EARS2: variants seen among roughly 807,000 people sequenced by gnomAD.
EARS2 encodes the protein glutamyl-tRNA synthetase 2, mitochondrial.
EARS2 carries 50 observed loss-of-function variants against 54.1 expected under a neutral mutation model. That is an observed-to-expected ratio of 0.92 (90% CI 0.74 to 1.17). EARS2 has a LOEUF of 1.17. EARS2 is among the 50% of genes most tolerant of loss of function. The probability of loss-of-function intolerance (pLI) is 0.00; values close to 1 mark genes in which losing one functional copy is unlikely to be tolerated. For missense variants in EARS2, 673 were observed against 675.0 expected, an observed-to-expected ratio of 1.00 and a Z score of 0.03; for synonymous variants, 298 against 281.0, an observed-to-expected ratio of 1.06 and a Z score of -0.61.
In EARS2 at chr16:23,524,278, C is replaced by T; in HGVS notation, c.*93G>A. The T allele has an allele frequency of 9.3e-7, 1 of 1,078,926 alleles. No homozygotes were observed. Among genetic ancestry groups the T allele is most frequent in the East Asian group, 2.4e-5 (1 of 42,494 alleles). The allele number at this position is 1,078,926 out of a possible 1,614,324, so 66.8% of individuals were successfully genotyped here. On this transcript the variant is annotated 3_prime_UTR_variant, in exon 9 of 9. Coordinates refer to ENST00000449606, the MANE Select transcript of EARS2 (RefSeq NM_001083614.2). ...ACTCTTAGTTCCTTCAGCAAACTTC[C>T]CGACGGGCCCCAGGCCTCCTTCTGG...
intron 5 of EARS2, among the ~76,000 whole-genome samples, chr16:23,531,187 G>A (rs756486859): frequency 3.3e-5 from 5 of 151,326 alleles, no homozygotes; most frequent in South Asian, 4.2e-4. Context: ...ATGAGCCACC[G>A]CGCCCAGCCT....
At position 23,522,474 on chromosome 16, in the gene EARS2, T is replaced by C. The variant is rs908160468; in HGVS notation, c.*1897A>G. 1 of 152,352 alleles carries C rather than the reference T, an allele frequency of 6.6e-6. No homozygotes were observed. The highest frequency in any genetic ancestry group is 1.5e-5 in the Non-Finnish European group (1 of 68,162). The allele number at this position is 152,352 out of a possible 1,614,324, so 9.4% of individuals were successfully genotyped here. ...CCTGTCTTTTCCAAAACCTGTTTTT[T>C]TTTTGGCTTTTTGGTAGATGCTGTG... On this transcript the variant is annotated 3_prime_UTR_variant, in exon 9 of 9. Coordinates refer to ENST00000449606, the MANE Select transcript of EARS2 (RefSeq NM_001083614.2).
chr16:23,544,739 A>G (rs1965574762), intron 2 of EARS2, 36 bp from the exon 3 acceptor site: 2 of 1,542,496 alleles, frequency 1.3e-6, no homozygotes, highest in African/African-American at 1.4e-5. Flanking sequence ...TAAGGTGCAC[A>G]CAGCGCTCGT....
At chr16:23,529,114 G>A (rs1179747008) in intron 7 of EARS2, among the ~76,000 whole-genome samples, 2 of 152,188 alleles carry the variant, frequency 1.3e-5, no homozygotes, top group Non-Finnish European at 2.9e-5. Context: ...AGCCAGCTTT[G>A]GTTGCGTTTG....
At chr16:23,556,644 C>T in intron 1 of EARS2, 1 of 324,766 alleles carries the variant, frequency 3.1e-6, no homozygotes, top group South Asian at 2.5e-5. Flanking sequence ...CAAGCGTGAG[C>T]CACCGCGCCT....
chr16:23,556,674 C>T, intron 1 of EARS2: 1 of 348,592 alleles, frequency 2.9e-6, no homozygotes, highest in Non-Finnish European at 5.6e-6. Context: ...AAGGTTCCTT[C>T]TATAGGCTTC....
intron 1 of EARS2, chr16:23,556,836 T>C (rs1965797118): frequency 4.0e-6 from 2 of 497,552 alleles, no homozygotes; most frequent in Admixed American, 2.5e-5. Flanking sequence ...TTATTTTTTA[T>C]AAGTGTCTGC....
chr16:23,528,036 G>C (rs1469954406), intron 7 of EARS2, among the ~76,000 whole-genome samples: 1 of 152,130 alleles, frequency 6.6e-6, no homozygotes, highest in African/African-American at 2.4e-5. Context: ...ACACCCCAGA[G>C]AGTCCCTCGT....
At chr16:23,542,764 T>G (rs935297928) in intron 3 of EARS2, among the ~76,000 whole-genome samples, 1 of 152,188 alleles carries the variant, frequency 6.6e-6, no homozygotes, top group Non-Finnish European at 1.5e-5. Flanking sequence ...GAGTGTGGGC[T>G]GGGCCTAGTG....
intron 1 of EARS2, among the ~76,000 whole-genome samples, chr16:23,554,912 A>C (rs566412587): frequency 2.2e-4 from 34 of 152,338 alleles, no homozygotes; most frequent in African/African-American, 7.9e-4. Context: ...ATGCTGACCA[A>C]AGTAAACCCT....
In EARS2 at chr16:23,544,609, C is replaced by A. The variant is rs754020113; in HGVS notation, c.390G>T (p.Ala130=). The part of the protein sequence containing the change: ...RLELYAQATE[A]LLKTGAAYPC... The stretch of plus-strand genomic sequence containing the variant: ...GGTAAGCAGCTCCGGTCTTCAGCAG[C>A]GCTTCTGTGGCCTGGGCATACAGCT... Residue 130 remains alanine (A), a synonymous_variant, in exon 3 of 9, where the codon GCG becomes GCT. Coordinates refer to ENST00000449606, the MANE Select transcript of EARS2 (RefSeq NM_001083614.2). The A allele has an allele frequency of 6.2e-7, 1 of 1,613,614 alleles. No homozygotes were observed.
chr16:23,532,660 T>C lies in EARS2; in HGVS notation c.1064A>G (p.Asn355Ser), dbSNP rs1404202621. Residue 355 changes from asparagine (N) to serine (S), a missense_variant, in exon 5 of 9, where the codon AAC becomes AGC. Around this residue, in one of 3 missense-constraint regions of EARS2, gnomAD observed 338 missense variants for 361.2 expected, o/e 0.94. Coordinates refer to ENST00000449606, the MANE Select transcript of EARS2 (RefSeq NM_001083614.2). Reference sequence around the variant, plus strand: ...GATCTCCATGCTCCCCACTCACCTGTTGAATTCTGGGAGCTTCTCCAGGTC... The same window carrying C: ...GATCTCCATGCTCCCCACTCACCTGCTGAATTCTGGGAGCTTCTCCAGGTC... ...LLDLEKLPEF[N>S]RLHLQRLVSN... 5.6e-6 allele frequency: 9 copies of C among 1,613,110 alleles called. No homozygotes were observed. Among genetic ancestry groups the C allele is most frequent in the Non-Finnish European group, 6.8e-6 (8 of 1,179,312 alleles).
intron 1 of EARS2, chr16:23,556,692 G>A (rs2234421): frequency 0.015 from 5,254 of 354,742 alleles, 66 homozygotes; most frequent in Middle Eastern, 0.034. Flanking sequence ...TTCACATAGC[G>A]TGCTCCTTCT....
chr16:23,528,242 T>C (rs1196094969), intron 7 of EARS2, among the ~76,000 whole-genome samples: 1 of 152,202 alleles, frequency 6.6e-6, no homozygotes, highest in East Asian at 1.9e-4. Context: ...GAGACAATTA[T>C]TAACTGGGTC....
chr16:23,524,422 G>T lies in EARS2; in HGVS notation c.1521C>A (p.Ala507=), dbSNP rs770554002. The change falls in exon 9 of 9, where the codon GCC becomes GCA. Residue 507 remains alanine (A), a synonymous_variant. Transcript: ENST00000449606. ...GTTCCCGTACTTCCTTTGGTCCCAA[G>T]GCCAACATCATCTCAGCTACAGGAG... ...QGPPVAEMML[A]LGPKEVRERI... is the part of the protein sequence containing the mutation. 6.2e-7 allele frequency: 1 copy of T among 1,614,132 alleles called. No individual in the cohort carries two copies. The highest frequency in any genetic ancestry group is 8.5e-7 in the Non-Finnish European group (1 of 1,180,014).
intron 5 of EARS2, among the ~76,000 whole-genome samples, chr16:23,530,824 C>T (rs1277348713): frequency 1.3e-5 from 2 of 151,874 alleles, no homozygotes; most frequent in African/African-American, 4.8e-5. Flanking sequence ...TGCAGTGAAC[C>T]GAGATGTCAC....
intron 5 of EARS2, chr16:23,532,452 G>A (rs1965341978): frequency 6.8e-6 from 3 of 440,164 alleles, no homozygotes; most frequent in Non-Finnish European, 1.2e-5. Flanking sequence ...CTTAATACAA[G>A]ATACTTTCAT....
chr16:23,526,387 T>C lies in EARS2; in HGVS notation c.1353-1008A>G, dbSNP rs968309061. Reference sequence around the variant, plus strand: ...TTGGCCTCCCAAAGTGCTGGGATTATAGGCAGGATTATAGGCGTGAGCCAC... The same window carrying C: ...TTGGCCTCCCAAAGTGCTGGGATTACAGGCAGGATTATAGGCGTGAGCCAC... On this transcript the variant is annotated intron_variant, in intron 7 of 8. Coordinates refer to ENST00000449606, the MANE Select transcript of EARS2 (RefSeq NM_001083614.2). Among the ~76,000 whole-genome samples, 7 of 152,274 alleles carry C rather than the reference T, an allele frequency of 4.6e-5. No individual in the cohort carries two copies. In the East Asian group the frequency reaches 9.7e-4, roughly 21 times the overall value.
chr16:23,528,892 T>A (rs1033860653), intron 7 of EARS2, among the ~76,000 whole-genome samples: 7 of 152,190 alleles, frequency 4.6e-5, no homozygotes, highest in African/African-American at 1.7e-4. Context: ...TGTCATTTCT[T>A]TTGTCTGGTA....
Sources: gnomAD v4.1 joint callset for allele counts (sites outside exome capture counted in the v4.1 genomes callset) on GRCh38, gnomAD v4.1.1 for gene constraint, gnomAD v4.1.1 regional missense constraint, MANE v1.5 for transcripts, NCBI Gene and HGNC (gene_info 2026-07-23, HGNC 2026-07-21) for gene names.